TM7SF2: variants seen among roughly 807,000 people sequenced by gnomAD.
TM7SF2 encodes delta(14)-sterol reductase TM7SF2.
In TM7SF2, 51 loss-of-function variants were observed where a neutral mutation model predicts 51.0. The observed-to-expected ratio is 1.00, with a 90% CI of 0.80 to 1.26. The LOEUF (loss-of-function observed/expected upper bound fraction) is 1.26. Ranked by LOEUF, TM7SF2 falls within the 50% of genes most tolerant of loss-of-function variation. The pLI is 0.00. For missense variants in TM7SF2, 541 were observed against 547.4 expected (o/e 0.99, Z 0.12); for synonymous variants, 255 against 241.0 (o/e 1.06, Z -0.54).
At chr11:65,114,586 G>A (rs1411698535) in intron 5 of TM7SF2, 127 bp from the exon 6 acceptor site, 1 of 1,183,860 alleles carries the variant, frequency 8.4e-7, no homozygotes, top group African/African-American at 1.5e-5. Context: ...CTCTGTCCTT[G>A]GGTCTAGGGC....
At position 65,116,179 on chromosome 11, in the gene TM7SF2, T is replaced by G; in HGVS notation, c.*126T>G. The G allele has an allele frequency of 7.6e-7, 1 of 1,311,408 alleles. No homozygotes were observed. Among genetic ancestry groups the G allele is most frequent in the East Asian group, 2.5e-5 (1 of 40,014 alleles). 81.2% of individuals were successfully genotyped at this position (1,311,408 alleles called of 1,614,324 possible). A position where few individuals can be genotyped will look rare whatever the true frequency, so the allele number is the denominator to read the frequency against. ...CACCCAGCCCTGAGGATGAACAACC[T>G]CAGAGAAGAGGTGGTTTAGAGCAAG... On this transcript the variant is annotated 3_prime_UTR_variant, in exon 10 of 10. Coordinates refer to ENST00000279263, the MANE Select transcript of TM7SF2 (RefSeq NM_003273.6).
rs1422213876 is a variant in TM7SF2 at position 65,112,499 on chromosome 11, A to G, written c.53-16A>G. 4.6e-6 allele frequency: 7 copies of G among 1,506,536 alleles called. No homozygotes were observed. The highest frequency in any genetic ancestry group is 6.2e-6 in the Non-Finnish European group (7 of 1,136,158). The allele number at this position is 1,506,536 out of a possible 1,614,324, so 93.3% of individuals were successfully genotyped here. A position where few individuals can be genotyped will look rare whatever the true frequency, so the allele number is the denominator to read the frequency against. On this transcript the variant is annotated splice_polypyrimidine_tract_variant and intron_variant, in intron 1 of 9. Coordinates refer to ENST00000279263, the MANE Select transcript of TM7SF2 (RefSeq NM_003273.6). ...GGGCTAGGGGCGGACGCCCGACGTG[A>G]TGGCCCTTCCCGCAGGCGCCGCGGC...
rs371080784 is a variant in TM7SF2, at chr11:65,115,481, G to C, written c.979G>C (p.Glu327Gln). The C allele has an allele frequency of 2.0e-5, 32 of 1,614,186 alleles. No homozygotes were observed. The African/African-American group carries it at 3.7e-4, about 19-fold the overall frequency. ...ACCCTGCTGTCTTTCCCCAGGGCTTGAGACCATCTCTACAGCCACAGGGCG... is the reference window on the plus strand; with the variant it reads ...ACCCTGCTGTCTTTCCCCAGGGCTTCAGACCATCTCTACAGCCACAGGGCG... ...NPSDPRVAGL[E>Q]TISTATGRKL... Residue 327 changes from glutamate to glutamine, a missense_variant, in exon 9 of 10, where the codon GAG (glutamate) becomes CAG (glutamine). By Grantham distance (29) the Glu-to-Gln change is conservative. Coordinates refer to ENST00000279263, the MANE Select transcript of TM7SF2 (RefSeq NM_003273.6).
rs1947910089 is a variant in TM7SF2 at position 65,111,974 on chromosome 11, T to C, written c.-42T>C. The stretch of plus-strand genomic sequence containing the variant: ...ATGGGGCGGACAGTGTTTCCTTGAC[T>C]GACTATTGTGAGCGCCCTCTCTCTC... On this transcript the variant is annotated 5_prime_UTR_variant, in exon 1 of 10. Transcript: ENST00000279263. 2 of 1,558,926 alleles carry C rather than the reference T, an allele frequency of 1.3e-6. No individual in the cohort carries two copies. Among genetic ancestry groups the C allele is most frequent in the South Asian group, 1.2e-5 (1 of 84,796 alleles).
At position 65,113,524 on chromosome 11, in the gene TM7SF2, A is replaced by C; in HGVS notation, c.533A>C (p.Glu178Ala). 1 of 1,614,088 alleles carries C rather than the reference A, an allele frequency of 6.2e-7. No homozygotes were observed. The highest frequency in any genetic ancestry group is 8.5e-7 in the Non-Finnish European group (1 of 1,180,010). ...NPIYDFFLGR[E>A]LNPRICFFDF... The stretch of plus-strand genomic sequence containing the variant: ...ATTTACGACTTTTTTCTGGGACGAG[A>C]GCTCAACCCTCGTATCTGTTTCTTC... The change falls in exon 5 of 10, where the codon GAG (glutamate) becomes GCG (alanine). Residue 178 changes from glutamate to alanine, a missense_variant. Glu to Ala is a moderately radical substitution (Grantham distance 107). Coordinates refer to ENST00000279263, the MANE Select transcript of TM7SF2 (RefSeq NM_003273.6).
chr11:65,114,909 G>C lies in TM7SF2; in HGVS notation c.724-4G>C. On this transcript the variant is annotated splice_region_variant and splice_polypyrimidine_tract_variant and intron_variant, in intron 6 of 9. Transcript: ENST00000279263. ...GCCAGTGTGTCTGGGTCTTGTCCCT[G>C]CAGGAGGCCGTCCTCACCACCATGG... The C allele has an allele frequency of 6.2e-7, 1 of 1,614,188 alleles. No homozygotes were observed. Among genetic ancestry groups the C allele is most frequent in the Non-Finnish European group, 8.5e-7 (1 of 1,180,002 alleles).
chr11:65,112,976 C>T, intron 3 of TM7SF2, 111 bp downstream of exon 3: 1 of 1,350,078 alleles, frequency 7.4e-7, no homozygotes, highest in Non-Finnish European at 1.0e-6. Flanking sequence ...CTTTGTGTGC[C>T]TCTGTTACGC....
At chr11:65,113,755 A>G (rs2137203456) in intron 5 of TM7SF2, 161 bp downstream of exon 5, 1 of 664,670 alleles carries the variant, frequency 1.5e-6, no homozygotes, top group Middle Eastern at 4.1e-4. Context: ...GTACTGGGAG[A>G]CAAAAATAAA....
In TM7SF2 at chr11:65,112,447, G is replaced by T. The variant is rs1004350643; in HGVS notation, c.53-68G>T. ...GAGGGTCCCGCAGAGACGTCAGGGC[G>T]CCCGTGCGGGCCGGCGGGGAGCTGG... On this transcript the variant is annotated intron_variant, in intron 1 of 9. Coordinates refer to ENST00000279263, the MANE Select transcript of TM7SF2 (RefSeq NM_003273.6). 2.8e-6 allele frequency: 4 copies of T among 1,427,396 alleles called. No individual in the cohort carries two copies. In the African/African-American group the frequency reaches 4.5e-5, roughly 16 times the overall value. 88.4% of individuals were successfully genotyped at this position (1,427,396 alleles called of 1,614,324 possible).
intron 7 of TM7SF2, 114 bp downstream of exon 7, chr11:65,115,195 G>A: frequency 1.3e-6 from 2 of 1,594,824 alleles, no homozygotes; most frequent in African/African-American, 1.3e-5. Flanking sequence ...TCTAAAGCCA[G>A]GGCAGGGTCC....
rs201273391 is a variant in TM7SF2 at position 65,115,396 on chromosome 11, T to C, written c.973+2T>C. 1.2e-6 allele frequency: 2 copies of C among 1,608,944 alleles called. No individual in the cohort carries two copies. On this transcript the variant is annotated splice_donor_variant, in intron 8 of 9. Transcript: ENST00000279263. LOFTEE classifies it high-confidence loss of function. Reference sequence around the variant, plus strand: ...ATCCTTCTGACCCCAGAGTGGCTGGTGAGCTGGTTCTCTAGGGCCATGGGT... The same window carrying C: ...ATCCTTCTGACCCCAGAGTGGCTGGCGAGCTGGTTCTCTAGGGCCATGGGT...
At chr11:65,113,070 G>A (rs78432807) in intron 3 of TM7SF2, 150 bp from the exon 4 acceptor site, 44,079 of 1,048,290 alleles carry the variant, frequency 0.042, 1,223 homozygotes, top group African/African-American at 0.092. Context: ...CACCACAGCA[G>A]TGGCTGGGGT....
Position 65,111,886 on chromosome 11 carries a change from T to A in TM7SF2, c.-130T>A, listed in dbSNP as rs1565320176. On this transcript the variant is annotated 5_prime_UTR_variant, in exon 1 of 10. Transcript: ENST00000279263. The stretch of plus-strand genomic sequence containing the variant: ...GAGCGGTCCTTGTCTGCGTTCCGTG[T>A]CCAGGCAGGTGCAGGCGCCGCGGGG... 1 of 1,116,534 alleles carries A rather than the reference T, an allele frequency of 9.0e-7. No homozygotes were observed. Among genetic ancestry groups the A allele is most frequent in the African/African-American group, 1.6e-5 (1 of 64,348 alleles). 69.2% of individuals were successfully genotyped at this position (1,116,534 alleles called of 1,614,324 possible). A position where few individuals can be genotyped will look rare whatever the true frequency, so the allele number is the denominator to read the frequency against.
At chr11:65,113,004 G>A (rs1265257514) in intron 3 of TM7SF2, 139 bp downstream of exon 3, 8 of 1,165,212 alleles carry the variant, frequency 6.9e-6, no homozygotes, top group South Asian at 1.5e-5. Context: ...AGACGCCGGG[G>A]GCTCTCCCTA....
chr11:65,112,935 G>A, intron 3 of TM7SF2, 70 bp downstream of exon 3: 1 of 1,524,520 alleles, frequency 6.6e-7, no homozygotes, highest in Non-Finnish European at 8.9e-7. Flanking sequence ...TAGCGGGGAG[G>A]TCCACGGAGA....
Position 65,111,903 on chromosome 11 carries a change from G to GCCGCGGGGCCGGATCCT in TM7SF2, c.-107_-91dup. On this transcript the variant is annotated 5_prime_UTR_variant, in exon 1 of 10. Transcript: ENST00000279263. Reference sequence around the variant, plus strand: ...GTTCCGTGTCCAGGCAGGTGCAGGCGCCGCGGGGCCGGATCCTCCGCGCGG... The same window carrying GCCGCGGGGCCGGATCCT: ...GTTCCGTGTCCAGGCAGGTGCAGGCGCCGCGGGGCCGGATCCTCCGCGGGGCCGGATCCTCCGCGCGG... The GCCGCGGGGCCGGATCCT allele has an allele frequency of 8.0e-7, 1 of 1,254,410 alleles. No individual in the cohort carries two copies. Among genetic ancestry groups the GCCGCGGGGCCGGATCCT allele is most frequent in the Middle Eastern group, 2.0e-4 (1 of 4,978 alleles). The allele number at this position is 1,254,410 out of a possible 1,614,324, so 77.7% of individuals were successfully genotyped here. A position where few individuals can be genotyped will look rare whatever the true frequency, so the allele number is the denominator to read the frequency against.
chr11:65,112,568 G>C lies in TM7SF2; in HGVS notation c.106G>C (p.Ala36Pro). 1 of 1,525,864 alleles carries C rather than the reference G, an allele frequency of 6.6e-7. No homozygotes were observed. The allele number at this position is 1,525,864 out of a possible 1,614,324, so 94.5% of individuals were successfully genotyped here. A position where few individuals can be genotyped will look rare whatever the true frequency, so the allele number is the denominator to read the frequency against. Reference sequence around the variant, plus strand: ...CGCCACCATGTTCCACCTGCTCCTGGCGGCCCGTTCGGGCCCCGCGCGCCT... The same window carrying C: ...CGCCACCATGTTCCACCTGCTCCTGCCGGCCCGTTCGGGCCCCGCGCGCCT... ...LPATMFHLLL[A>P]ARSGPARLLG... The change falls in exon 2 of 10, where the codon GCG becomes CCG. Residue 36 changes from alanine (A) to proline (P), a missense_variant. By Grantham distance (27) the Ala-to-Pro change is conservative (BLOSUM62 -1). Coordinates refer to ENST00000279263, the MANE Select transcript of TM7SF2 (RefSeq NM_003273.6).
Position 65,115,117 on chromosome 11 carries a change from T to G in TM7SF2, c.892+36T>G, listed in dbSNP as rs374208039. On this transcript the variant is annotated intron_variant, in intron 7 of 9. Transcript: ENST00000279263. ...AAGGGGCAGCAGGCTGGGCCCATCT[T>G]CCCCCTATCCCTTTGATTCATGCTC... 1.4e-5 allele frequency: 23 copies of G among 1,606,136 alleles called. No homozygotes were observed. In the African/African-American group the frequency reaches 2.8e-4, roughly 20 times the overall value.
chr11:65,113,922 G>A lies in TM7SF2; in HGVS notation c.603+328G>A, dbSNP rs147886102. On this transcript the variant is annotated intron_variant, in intron 5 of 9. Transcript: ENST00000279263. Reference sequence around the variant, plus strand: ...CAAGCACAGAATCTATTTCCAGGGAGTGACCGCATGCTGCTTGATGGTCAA... The same window carrying A: ...CAAGCACAGAATCTATTTCCAGGGAATGACCGCATGCTGCTTGATGGTCAA... The A allele has an allele frequency of 1.2e-3, 471 of 377,512 alleles. 1 individual carries two copies. Among genetic ancestry groups the A allele is most frequent in the African/African-American group, 6.7e-3 (324 of 48,058 alleles). The allele number at this position is 377,512 out of a possible 1,614,324, so 23.4% of individuals were successfully genotyped here.
Sources: allele counts gnomAD v4.1 joint callset, GRCh38; gene constraint gnomAD v4.1.1; transcripts MANE v1.5; gene names NCBI Gene and HGNC (gene_info 2026-07-23, HGNC 2026-07-21).